Variants in CREB5 observed in about 807,000 individuals in gnomAD.
The protein encoded by CREB5 is cAMP responsive element binding protein 5.
A neutral mutation model predicts 57.1 loss-of-function variants in CREB5; 19 were observed. That is an observed-to-expected ratio of 0.33 (90% CI 0.23 to 0.49). The LOEUF is 0.49. CREB5 is among the 20% of genes least tolerant of loss of function. The probability of loss-of-function intolerance (pLI) is 0.99; values close to 1 mark genes in which losing one functional copy is unlikely to be tolerated. For missense variants in CREB5, 579 were observed against 671.6 expected (o/e 0.86, Z 1.52); for synonymous variants, 238 against 238.3 (o/e 1.00, Z 0.01).
chr7:28,414,034 G>C (rs1299140946), intron 1 of CREB5, among the ~76,000 whole-genome samples: 1 of 151,912 alleles, frequency 6.6e-6, no homozygotes, highest in Admixed American at 6.6e-5. Flanking sequence ...TCGGTGTGTA[G>C]TGTTCACTAG....
chr7:28,595,288 A>G (rs1338174916), intron 5 of CREB5, among the ~76,000 whole-genome samples: 1 of 151,750 alleles, frequency 6.6e-6, no homozygotes, highest in Non-Finnish European at 1.5e-5. Flanking sequence ...ATGCGTGTAA[A>G]TATTCAGTTA....
intron 7 of CREB5, among the ~76,000 whole-genome samples, chr7:28,726,070 T>G (rs1056793522): frequency 6.6e-6 from 1 of 152,218 alleles, no homozygotes; most frequent in African/African-American, 2.4e-5. Flanking sequence ...ATCATGTCAG[T>G]TGGAAACAAA....
intron 5 of CREB5, among the ~76,000 whole-genome samples, chr7:28,622,760 C>T (rs1433826528): frequency 6.6e-6 from 1 of 151,894 alleles, no homozygotes; most frequent in African/African-American, 2.4e-5. Flanking sequence ...GTGGCTCATG[C>T]CTGTAATCCT....
At chr7:28,303,043 C>G (rs972974777) in intron 1 of CREB5, among the ~76,000 whole-genome samples, 1 of 151,164 alleles carries the variant, frequency 6.6e-6, no homozygotes, top group African/African-American at 2.4e-5. Context: ...TTGGGAGGTG[C>G]TGGCAGGAGA....
chr7:28,551,339 G>A (rs1464430525), intron 4 of CREB5, among the ~76,000 whole-genome samples: 2 of 152,114 alleles, frequency 1.3e-5, no homozygotes, highest in African/African-American at 2.4e-5. Context: ...AGAATAGTTC[G>A]TGTTTCAGAT....
At position 28,389,700 on chromosome 7, in the gene CREB5, G is replaced by A. The variant is rs965051975; in HGVS notation, c.-25+90259G>A. Among the ~76,000 whole-genome samples, 13 of 151,100 alleles carry A rather than the reference G, an allele frequency of 8.6e-5. No homozygotes were observed. The East Asian group carries it at 1.9e-3, about 22-fold the overall frequency. ...CTTAGAAGTCGTTAGATTGATATTTGGGAGTTAAATTTAAACCAAAACTCT... is the reference window on the plus strand; with the variant it reads ...CTTAGAAGTCGTTAGATTGATATTTAGGAGTTAAATTTAAACCAAAACTCT... On this transcript the variant is annotated intron_variant, in intron 1 of 9. Coordinates refer to the CREB5 transcript ENST00000396299.
chr7:28,337,522 C>CT (rs34164645), intron 1 of CREB5, among the ~76,000 whole-genome samples: 30 of 151,132 alleles, frequency 2.0e-4, no homozygotes, highest in East Asian at 3.9e-4. Flanking sequence ...TTATCCTGCT[C>CT]TTTTTTTTTG....
At chr7:28,442,498 T>G (rs1414139931) in intron 1 of CREB5, among the ~76,000 whole-genome samples, 1 of 59,092 alleles carries the variant, frequency 1.7e-5, no homozygotes, top group Non-Finnish European at 4.2e-5. Flanking sequence ...TATATGGTAG[T>G]TTTTTTTGTT....
At chr7:28,310,760 T>C (rs1412179546) in intron 1 of CREB5, among the ~76,000 whole-genome samples, 1 of 152,254 alleles carries the variant, frequency 6.6e-6, no homozygotes, top group Non-Finnish European at 1.5e-5. Flanking sequence ...ACTGACTTCA[T>C]GTCATTTTTA....
At chr7:28,653,543 G>A (rs1799222406) in intron 5 of CREB5, among the ~76,000 whole-genome samples, 1 of 152,180 alleles carries the variant, frequency 6.6e-6, no homozygotes, top group South Asian at 2.1e-4. Flanking sequence ...TCAACCAAGA[G>A]AGCATGCTGG....
intron 1 of CREB5, among the ~76,000 whole-genome samples, chr7:28,369,544 T>C (rs181620755): frequency 6.6e-6 from 1 of 152,324 alleles, no homozygotes. Context: ...GTTGTAAGAA[T>C]TGGAAATAAT....
intron 1 of CREB5, among the ~76,000 whole-genome samples, chr7:28,473,792 G>A (rs964440457): frequency 5.9e-5 from 9 of 152,290 alleles, no homozygotes; most frequent in East Asian, 1.9e-4. Context: ...CCCAGTGCCC[G>A]GCTTATTTGG....
chr7:28,334,645 G>T (rs1157795054), intron 1 of CREB5, among the ~76,000 whole-genome samples: 1 of 152,008 alleles, frequency 6.6e-6, no homozygotes, highest in African/African-American at 2.4e-5. Flanking sequence ...CCATTCTGTG[G>T]GTTGTCTCTT....
At chr7:28,319,164 G>A (rs1455877787) in intron 1 of CREB5, among the ~76,000 whole-genome samples, 2 of 152,084 alleles carry the variant, frequency 1.3e-5, no homozygotes, top group African/African-American at 4.8e-5. Flanking sequence ...AAACTCCAGT[G>A]GAGGGAAAGG....
At chr7:28,381,601 G>A (rs1321977077) in intron 1 of CREB5, among the ~76,000 whole-genome samples, 2 of 152,188 alleles carry the variant, frequency 1.3e-5, no homozygotes, top group African/African-American at 4.8e-5. Flanking sequence ...ATTGGCAATA[G>A]CCCAGAAAAC....
chr7:28,360,057 C>CA (rs1323916073), intron 1 of CREB5, among the ~76,000 whole-genome samples: 1 of 152,138 alleles, frequency 6.6e-6, no homozygotes, highest in Non-Finnish European at 1.5e-5. Context: ...TGACTATTCT[C>CA]AAAAGATGAA....
intron 4 of CREB5, among the ~76,000 whole-genome samples, chr7:28,544,306 T>G (rs1794328516): frequency 6.6e-6 from 1 of 152,294 alleles, no homozygotes; most frequent in African/African-American, 2.4e-5. Context: ...CTTTGGATGT[T>G]GTATTGAGAG....
chr7:28,559,458 G>A (rs1200258571), intron 4 of CREB5, among the ~76,000 whole-genome samples: 2 of 152,130 alleles, frequency 1.3e-5, no homozygotes, highest in Non-Finnish European at 1.5e-5. Flanking sequence ...GGGATTACAG[G>A]CATGTGCCAC....
Position 28,560,875 on chromosome 7 carries a change from C to CGT in CREB5, c.292-9488_292-9487dup, listed in dbSNP as rs1238154632. ...GTGTGTGTGCGTGTGCCTGCGTGCG[C>CGT]GTGCGTGCGTGCGTGTGTGTGCGTG... On this transcript the variant is annotated intron_variant, in intron 4 of 10. Coordinates refer to ENST00000357727, the MANE Select transcript of CREB5 (RefSeq NM_182898.4). Among the ~76,000 whole-genome samples the CGT allele has an allele frequency of 8.3e-3, 160 of 19,208 alleles. 20 individuals carry two copies. Among genetic ancestry groups the CGT allele is most frequent in the Non-Finnish European group, 0.011 (114 of 10,112 alleles). 12.6% of individuals were successfully genotyped at this position (19,208 alleles called of 152,430 possible).
Sources: gnomAD v4.1 joint callset for allele counts (sites outside exome capture counted in the v4.1 genomes callset) on GRCh38, gnomAD v4.1.1 for gene constraint, MANE v1.5 for transcripts, NCBI Gene and HGNC (gene_info 2026-07-23, HGNC 2026-07-21) for gene names.